Variants in SOX30 observed in about 807,000 individuals in gnomAD.
SOX30 encodes transcription factor SOX-30.
A neutral mutation model predicts 58.6 loss-of-function variants in SOX30; 17 were observed. The observed-to-expected ratio is 0.29, with a 90% CI of 0.20 to 0.44. SOX30 has a LOEUF of 0.44. Ranked by LOEUF, SOX30 falls within the 20% of genes least tolerant of loss-of-function variation. SOX30 has a pLI of 1.00. For missense variants in SOX30, 951 were observed against 965.8 expected (o/e 0.98, Z 0.20); for synonymous variants, 421 against 400.2 (o/e 1.05, Z -0.62).
exon 2 of SOX30, chr5:157,667,825 C>T: frequency 1.3e-6 from 2 of 1,535,490 alleles, no homozygotes; most frequent in Non-Finnish European, 1.7e-6. Context: ...AGACTTTGTT[C>T]CTTCCCTCTA....
chr5:157,658,464 A>C (rs2113855960), intron 2 of SOX30, among the ~76,000 whole-genome samples: 1 of 152,334 alleles, frequency 6.6e-6, no homozygotes, highest in Admixed American at 6.5e-5. Flanking sequence ...AAGAAACAAG[A>C]GGGATGGGTA....
At chr5:157,656,545 C>A (rs1759475811), upstream of SOX30, among the ~76,000 whole-genome samples, 1 of 152,198 alleles carries the variant, frequency 6.6e-6, no homozygotes, top group African/African-American at 2.4e-5. Flanking sequence ...ACCTTATCTG[C>A]ACTTCTGTCT....
chr5:157,655,548 G>A (rs936414128), upstream of SOX30, among the ~76,000 whole-genome samples: 31 of 152,200 alleles, frequency 2.0e-4, no homozygotes, highest in African/African-American at 7.2e-4. Context: ...GGGTTAGGCA[G>A]GTACAGGATC....
intron 4 of SOX30, among the ~76,000 whole-genome samples, chr5:157,634,048 T>G (rs1342659615): frequency 1.3e-5 from 2 of 152,198 alleles, no homozygotes; most frequent in Non-Finnish European, 2.9e-5. Context: ...CACAATATGA[T>G]GATGGTTAAG....
chr5:157,628,675 T>A (rs1017987488), intron 4 of SOX30, among the ~76,000 whole-genome samples: 2 of 148,064 alleles, frequency 1.4e-5, no homozygotes, highest in African/African-American at 2.5e-5. Context: ...AGAGTCTCGC[T>A]CTGTCACCCA....
At chr5:157,647,061 AT>A (rs33962778) in intron 2 of SOX30, among the ~76,000 whole-genome samples, 59,663 of 134,366 alleles carry the variant, frequency 0.44, 13,201 homozygotes, top group African/African-American at 0.69. Context: ...AGAGGGTCAA[AT>A]TTTTTTTTTT....
chr5:157,664,173 A>G (rs1163246797), intron 2 of SOX30, among the ~76,000 whole-genome samples: 1 of 152,132 alleles, frequency 6.6e-6, no homozygotes, highest in African/African-American at 2.4e-5. Flanking sequence ...TGGAGGGATC[A>G]CGCTACCTGA....
At chr5:157,668,035 A>G (rs890506333) in intron 1 of SOX30, among the ~76,000 whole-genome samples, 22 of 152,180 alleles carry the variant, frequency 1.4e-4, no homozygotes, top group African/African-American at 5.3e-4. Flanking sequence ...AGGCCATACG[A>G]TGCACAGGGC....
intron 4 of SOX30, among the ~76,000 whole-genome samples, chr5:157,628,821 A>G (rs886651803): frequency 6.6e-6 from 1 of 151,922 alleles, no homozygotes; most frequent in Non-Finnish European, 1.5e-5. Context: ...TTTGTATTTT[A>G]GTAGAGATGG....
intron 2 of SOX30, among the ~76,000 whole-genome samples, chr5:157,658,207 T>G (rs1759514425): frequency 6.6e-6 from 1 of 152,216 alleles, no homozygotes; most frequent in South Asian, 2.1e-4. Flanking sequence ...AGTGGTTATG[T>G]AAAAAATAAT....
Position 157,626,261 on chromosome 5 carries a change from G to A in SOX30, c.*79C>T. ...TGAAAACTTTCAACAAAGAATTCTA[G>A]GCTTTTTTTTTTCTCATACCAACTG... On this transcript the variant is annotated 3_prime_UTR_variant, in exon 5 of 5. Transcript: ENST00000265007. 1 of 1,292,858 alleles carries A rather than the reference G, an allele frequency of 7.7e-7. No homozygotes were observed. Among genetic ancestry groups the A allele is most frequent in the South Asian group, 1.7e-5 (1 of 59,958 alleles). The allele number at this position is 1,292,858 out of a possible 1,614,324, so 80.1% of individuals were successfully genotyped here. A position where few individuals can be genotyped will look rare whatever the true frequency, so the allele number is the denominator to read the frequency against.
At chr5:157,638,066 C>T (rs992550370) in intron 4 of SOX30, among the ~76,000 whole-genome samples, 164 bp downstream of exon 4, 4 of 152,060 alleles carry the variant, frequency 2.6e-5, no homozygotes, top group Non-Finnish European at 5.9e-5. Flanking sequence ...CCAGTCCTCA[C>T]CTGGCCCTCT....
At chr5:157,671,373 G>C in exon 1 of SOX30, 1 of 531,528 alleles carries the variant, frequency 1.9e-6, no homozygotes. Context: ...ACAGCAACGC[G>C]CCGGGTCTCA....
chr5:157,639,681 C>A (rs1336354913), intron 3 of SOX30, among the ~76,000 whole-genome samples: 1 of 152,212 alleles, frequency 6.6e-6, no homozygotes. Flanking sequence ...AAATTTAATT[C>A]AACTTTCCTG....
At chr5:157,630,288 C>G (rs1758759214) in intron 4 of SOX30, among the ~76,000 whole-genome samples, 2 of 152,164 alleles carry the variant, frequency 1.3e-5, no homozygotes, top group South Asian at 4.1e-4. Flanking sequence ...AGTCCAATGT[C>G]TCAGCTTCCT....
chr5:157,650,625 T>A (rs114255371), intron 1 of SOX30, among the ~76,000 whole-genome samples: 2 of 152,206 alleles, frequency 1.3e-5, no homozygotes, highest in African/African-American at 4.8e-5. Context: ...AATCACGTAT[T>A]GTTTTCTGCT....
At chr5:157,634,240 G>A (rs1758874238) in intron 4 of SOX30, among the ~76,000 whole-genome samples, 2 of 152,188 alleles carry the variant, frequency 1.3e-5, no homozygotes, top group East Asian at 1.9e-4. Context: ...TTGAGACATG[G>A]TCTCACTCTG....
chr5:157,669,728 G>A (rs1417291338), intron 1 of SOX30, among the ~76,000 whole-genome samples: 2 of 151,652 alleles, frequency 1.3e-5, no homozygotes, highest in Non-Finnish European at 1.5e-5. Flanking sequence ...TGCTGACCAG[G>A]TTGGTCTCGA....
At chr5:157,658,802 A>G (rs564169088) in intron 2 of SOX30, among the ~76,000 whole-genome samples, 2 of 152,332 alleles carry the variant, frequency 1.3e-5, no homozygotes, top group Non-Finnish European at 2.9e-5. Context: ...GAAGCTGTGT[A>G]AAACGAGGCT....
Sources: allele counts gnomAD v4.1 joint callset (sites outside exome capture counted in the v4.1 genomes callset), GRCh38; gene constraint gnomAD v4.1.1; transcripts MANE v1.5; gene names NCBI Gene and HGNC (gene_info 2026-07-23, HGNC 2026-07-21).